ADD3: variants seen among roughly 807,000 people sequenced by gnomAD.
ADD3 encodes the protein gamma-adducin.
In ADD3, 25 loss-of-function variants were observed where a neutral mutation model predicts 80.2. The observed-to-expected ratio is 0.31, with a 90% CI of 0.23 to 0.44. ADD3 has a LOEUF of 0.44. Among genes scored for constraint, ADD3 ranks in the 20% least tolerant of loss-of-function variants. The pLI is 1.00. For synonymous variants in ADD3, 284 were observed against 289.6 expected (o/e 0.98, Z 0.20); for missense variants, 829 against 847.5 (o/e 0.98, Z 0.27).
At chr10:110,046,742 G>A (rs150016318) in intron 1 of ADD3, among the ~76,000 whole-genome samples, 37 of 152,214 alleles carry the variant, frequency 2.4e-4, no homozygotes, top group African/African-American at 8.7e-4. Flanking sequence ...TATTAAGTAC[G>A]ATAAATATGT....
chr10:110,021,910 C>A (rs556968526), intron 1 of ADD3, among the ~76,000 whole-genome samples: 1 of 152,286 alleles, frequency 6.6e-6, no homozygotes, highest in African/African-American at 2.4e-5. Context: ...GAAAAAAAAT[C>A]TGTGCGTGCA....
At chr10:110,107,646 C>T (rs967248676) in intron 2 of ADD3, among the ~76,000 whole-genome samples, 3 of 152,058 alleles carry the variant, frequency 2.0e-5, no homozygotes, top group African/African-American at 4.8e-5. Context: ...CTTTGCCTAC[C>T]ACTTACTAGC....
intron 2 of ADD3, among the ~76,000 whole-genome samples, chr10:110,105,616 T>C (rs964995478): frequency 6.6e-6 from 1 of 152,206 alleles, no homozygotes; most frequent in Non-Finnish European, 1.5e-5. Context: ...TGCAGTGTTA[T>C]TCTGAAAAAT....
At chr10:110,022,946 T>C (rs1240082906) in intron 1 of ADD3, among the ~76,000 whole-genome samples, 1 of 152,058 alleles carries the variant, frequency 6.6e-6, no homozygotes, top group African/African-American at 2.4e-5. Context: ...AATAGTGAGG[T>C]TGAGAGGACC....
At chr10:110,084,608 G>C (rs1470977208) in intron 1 of ADD3, among the ~76,000 whole-genome samples, 1 of 152,140 alleles carries the variant, frequency 6.6e-6, no homozygotes, top group Admixed American at 6.5e-5. Context: ...CTCAGGATCT[G>C]TTCTACCTTT....
chr10:110,071,569 A>AT (rs1002091212), intron 1 of ADD3, among the ~76,000 whole-genome samples: 1 of 152,156 alleles, frequency 6.6e-6, no homozygotes, highest in South Asian at 2.1e-4. Context: ...ATGATTGCAG[A>AT]TTTTTTTAAT....
chr10:110,116,337 G>A lies in ADD3; in HGVS notation c.413G>A (p.Arg138His), dbSNP rs774643422. The change falls in exon 4 of 15, where the codon CGC becomes CAC. Residue 138 changes from arginine (R) to histidine (H), a missense_variant. Physicochemically the swap from Arg to His is conservative, Grantham distance 29 (BLOSUM62 0). Coordinates refer to ENST00000356080, the MANE Select transcript of ADD3 (RefSeq NM_016824.5). The part of the protein sequence containing the change: ...SSYVKGEKLT[R>H]CKLASLYRLV... ...TATGTGAAGGGAGAAAAACTTACTC[G>A]CTGTAAACTTGCCAGCCTGTACAGA... 2 of 1,614,072 alleles carry A rather than the reference G, an allele frequency of 1.2e-6. No individual in the cohort carries two copies. Among genetic ancestry groups the A allele is most frequent in the East Asian group, 2.2e-5 (1 of 44,884 alleles).
chr10:110,080,827 G>A (rs1845975350), intron 1 of ADD3, among the ~76,000 whole-genome samples: 2 of 152,206 alleles, frequency 1.3e-5, no homozygotes, highest in African/African-American at 4.8e-5. Flanking sequence ...AAAGTTTTCA[G>A]ATTTGATGCT....
intron 1 of ADD3, among the ~76,000 whole-genome samples, chr10:110,013,287 G>C (rs2132983954): frequency 6.6e-6 from 1 of 151,740 alleles, no homozygotes; most frequent in Non-Finnish European, 1.5e-5. Flanking sequence ...ATTTTTAGTA[G>C]AGATGGGGTT....
At chr10:110,090,105 C>T (rs985643542) in intron 1 of ADD3, among the ~76,000 whole-genome samples, 2 of 151,098 alleles carry the variant, frequency 1.3e-5, no homozygotes, top group East Asian at 1.9e-4. Flanking sequence ...AAATATCCTT[C>T]GTCGTTAGTG....
At chr10:110,086,135 G>A (rs777382922) in intron 1 of ADD3, among the ~76,000 whole-genome samples, 2 of 150,864 alleles carry the variant, frequency 1.3e-5, no homozygotes, top group Non-Finnish European at 3.0e-5. Flanking sequence ...AAAAAGGCTG[G>A]GCGCAGTATC....
Position 110,112,875 on chromosome 10 carries a change from C to T in ADD3, c.294C>T (p.Ile98=), listed in dbSNP as rs1448959754. 1 of 1,613,956 alleles carries T rather than the reference C, an allele frequency of 6.2e-7. No homozygotes were observed. The highest frequency in any genetic ancestry group is 8.5e-7 in the Non-Finnish European group (1 of 1,180,006). ...LLALQQIADY[I]MANSFSGFSS... Reference sequence around the variant, plus strand: ...CATTACAGCAGATTGCAGATTACATCATGGCCAATTCTTTCTCGGGTTTTT... The same window carrying T: ...CATTACAGCAGATTGCAGATTACATTATGGCCAATTCTTTCTCGGGTTTTT... Residue 98 remains isoleucine, a synonymous_variant, in exon 3 of 15, where the codon ATC becomes ATT. Transcript: ENST00000356080.
At chr10:110,000,103 A>G (rs972135457) in intron 1 of ADD3, among the ~76,000 whole-genome samples, 3 of 152,284 alleles carry the variant, frequency 2.0e-5, no homozygotes, top group Middle Eastern at 3.4e-3. Flanking sequence ...TATTTTTAGT[A>G]GAGACTGGGT....
intron 1 of ADD3, among the ~76,000 whole-genome samples, chr10:110,092,389 TAAA>T (rs1314096211): frequency 6.6e-6 from 1 of 151,988 alleles, no homozygotes; most frequent in Non-Finnish European, 1.5e-5. Flanking sequence ...TATGCAACCA[TAAA>T]AAAAACATGA....
intron 1 of ADD3, among the ~76,000 whole-genome samples, chr10:110,034,364 A>G (rs1855398571): frequency 6.6e-6 from 1 of 152,084 alleles, no homozygotes. Flanking sequence ...TTTTGTAAAT[A>G]TAATTTTCCT....
At chr10:110,123,069 T>G (rs1590223570) in intron 9 of ADD3, among the ~76,000 whole-genome samples, 3 of 152,374 alleles carry the variant, frequency 2.0e-5, no homozygotes, top group East Asian at 3.9e-4. Context: ...TTTTTAAAGC[T>G]GAATAGTATT....
chr10:110,006,459 A>T (rs908729390), upstream of ADD3, among the ~76,000 whole-genome samples: 1 of 152,188 alleles, frequency 6.6e-6, no homozygotes, highest in East Asian at 1.9e-4. Flanking sequence ...AATACTGCAG[A>T]TATTTTTAAA....
upstream of ADD3, among the ~76,000 whole-genome samples, chr10:110,001,677 T>C (rs1251285557): frequency 6.7e-6 from 1 of 150,202 alleles, no homozygotes; most frequent in African/African-American, 2.5e-5. Context: ...TATTCAGAGA[T>C]TTTTTTTTAA....
chr10:110,050,418 G>T (rs781697589), intron 1 of ADD3, among the ~76,000 whole-genome samples: 1 of 151,108 alleles, frequency 6.6e-6, no homozygotes, highest in African/African-American at 2.4e-5. Context: ...ATTCTCTCTT[G>T]TCTGCCACCA....
Sources: gnomAD v4.1 joint callset for allele counts (sites outside exome capture counted in the v4.1 genomes callset) on GRCh38, gnomAD v4.1.1 for gene constraint, MANE v1.5 for transcripts, NCBI Gene and HGNC (gene_info 2026-07-23, HGNC 2026-07-21) for gene names.